The following HIVEP2 variants were observed in gnomAD, a reference collection of about 807,000 sequenced individuals.
The protein encoded by HIVEP2 is HIVEP zinc finger 2.
In HIVEP2, 14 loss-of-function variants were observed where a neutral mutation model predicts 180.7. The observed-to-expected ratio is 0.08, with a 90% CI of 0.05 to 0.12. The LOEUF is 0.12. HIVEP2 is among the 10% of genes least tolerant of loss of function. The pLI is 1.00. For missense variants in HIVEP2, 2,579 were observed against 3,008.5 expected (o/e 0.86, Z 3.34); for synonymous variants, 1,184 against 1,136.4 (o/e 1.04, Z -0.84).
chr6:142,752,838 A>G lies in HIVEP2; in HGVS notation c.*269T>C. 1 of 346,610 alleles carries G rather than the reference A, an allele frequency of 2.9e-6. No individual in the cohort carries two copies. Among genetic ancestry groups the G allele is most frequent in the Non-Finnish European group, 5.2e-6 (1 of 190,852 alleles). The allele number at this position is 346,610 out of a possible 1,614,324, so 21.5% of individuals were successfully genotyped here. On this transcript the variant is annotated 3_prime_UTR_variant, in exon 10 of 10. Transcript: ENST00000367603. ...CAAATTACTGCTAAAAAATGCTTAT[A>G]AGAATATAAGCAAAGTAAAGAAAAG... is the stretch of plus-strand genomic sequence containing the variant.
rs760177241 is a variant in HIVEP2 at position 142,773,096 on chromosome 6, G to A, written c.1643C>T (p.Thr548Ile). 9.3e-6 allele frequency: 15 copies of A among 1,614,246 alleles called. No homozygotes were observed. Among genetic ancestry groups the A allele is most frequent in the Middle Eastern group, 1.6e-4 (1 of 6,062 alleles). Residue 548 changes from threonine (T) to isoleucine (I), a missense_variant, in exon 5 of 10, where the codon ACT (threonine) becomes ATT (isoleucine). Thr to Ile is a moderately conservative substitution (Grantham distance 89). Around this residue, in one of 11 missense-constraint regions of HIVEP2, gnomAD observed 524 missense variants for 563.6 expected, o/e 0.93. Transcript: ENST00000367603. ...SPLIRSNSVP[T>I]SSATNLTIPP... ...AATAGTTAGATTAGTTGCTGAAGAA[G>A]TTGGCACTGAGTTGCTTCTAATAAG...
At chr6:142,768,758 A>G (rs1001336173) in intron 5 of HIVEP2, among the ~76,000 whole-genome samples, 2 of 149,416 alleles carry the variant, frequency 1.3e-5, no homozygotes, top group Non-Finnish European at 2.9e-5. Flanking sequence ...TAATAAGTAC[A>G]TATATTATAT....
Position 142,772,666 on chromosome 6 carries a change from G to A in HIVEP2, c.2073C>T (p.Thr691=). ...LQGVPSMFGT[T]CENRKRRKEK... Reference sequence around the variant, plus strand: ...CTTTCCGGCGTTTCCTGTTTTCACAGGTAGTTCCAAACATGCTTGGTACTC... The same window carrying A: ...CTTTCCGGCGTTTCCTGTTTTCACAAGTAGTTCCAAACATGCTTGGTACTC... Residue 691 remains threonine (T), a synonymous_variant, in exon 5 of 10, where the codon ACC becomes ACT. Transcript: ENST00000367603. This position sits in a 1 kb window ranked among gnomAD's most constrained non-coding sequence, Gnocchi z 4.9. 6.2e-7 allele frequency: 1 copy of A among 1,614,190 alleles called. No individual in the cohort carries two copies. Among genetic ancestry groups the A allele is most frequent in the East Asian group, 2.2e-5 (1 of 44,884 alleles).
chr6:142,828,104 G>C (rs1359906738), intron 2 of HIVEP2, among the ~76,000 whole-genome samples: 1 of 152,084 alleles, frequency 6.6e-6, no homozygotes, highest in Non-Finnish European at 1.5e-5. Context: ...ATGACTTTGC[G>C]GCATGATACG....
At chr6:142,783,351 A>AAG (rs71024834) in intron 3 of HIVEP2, among the ~76,000 whole-genome samples, 170 bp downstream of exon 3, 1 of 147,270 alleles carries the variant, frequency 6.8e-6, no homozygotes, top group East Asian at 2.0e-4. Flanking sequence ...AAAAAAAAAA[A>AAG]GACTAGTCTA....
Position 142,771,460 on chromosome 6 carries a change from G to C in HIVEP2, c.3279C>G (p.Ser1093=). The C allele has an allele frequency of 6.2e-7, 1 of 1,613,516 alleles. No individual in the cohort carries two copies. The highest frequency in any genetic ancestry group is 1.3e-5 in the African/African-American group (1 of 75,038). ...QASFSGSPEI[S]QGEVGMDQSV... ...TCTGATCCATGCCAACCTCGCCCTG[G>C]GAGATTTCTGGGGAGCCACTGAAGG... Residue 1093 remains serine (S), a synonymous_variant, in exon 5 of 10, where the codon TCC becomes TCG. Transcript: ENST00000367603. This position sits in a 1 kb window ranked among gnomAD's most constrained non-coding sequence, Gnocchi z 5.4.
chr6:142,868,908 CT>C (rs1451036433), intron 1 of HIVEP2, among the ~76,000 whole-genome samples: 1 of 151,990 alleles, frequency 6.6e-6, no homozygotes, highest in Non-Finnish European at 1.5e-5. Flanking sequence ...GCATTTTCTC[CT>C]TTTTAGTGTA....
At chr6:142,852,603 AC>A (rs1187089667) in intron 1 of HIVEP2, among the ~76,000 whole-genome samples, 1 of 152,176 alleles carries the variant, frequency 6.6e-6, no homozygotes, top group Non-Finnish European at 1.5e-5. Flanking sequence ...TAAATCCACC[AC>A]AGATATACTT....
Position 142,770,261 on chromosome 6 carries a change from G to T in HIVEP2, c.4478C>A (p.Pro1493His), listed in dbSNP as rs772140331. Residue 1493 changes from proline (P) to histidine (H), a missense_variant, in exon 5 of 10, where the codon CCC becomes CAC. By Grantham distance (77) the Pro-to-His change is moderately conservative. Transcript: ENST00000367603. This position sits in a 1 kb window ranked among gnomAD's most constrained non-coding sequence, Gnocchi z 4.7. ...IKKDLSRPQKPQLVRQGCASE... is the reference protein window; with the variant it reads ...IKKDLSRPQKHQLVRQGCASE... ...AGCACATCCTTGTCGAACCAGCTGG[G>T]GTTTCTGGGGGCGGGAGAGGTCCTT... 2 of 1,614,204 alleles carry T rather than the reference G, an allele frequency of 1.2e-6. No individual in the cohort carries two copies. Among genetic ancestry groups the T allele is most frequent in the East Asian group, 4.5e-5 (2 of 44,866 alleles).
At chr6:142,804,506 C>T (rs1041231907) in intron 2 of HIVEP2, among the ~76,000 whole-genome samples, 6 of 151,970 alleles carry the variant, frequency 3.9e-5, no homozygotes, top group African/African-American at 1.5e-4. Context: ...CAAAAGCCAA[C>T]TGAAGACTTA....
At chr6:142,775,196 T>A in intron 4 of HIVEP2, 71 bp from the exon 5 acceptor site, 4 of 305,678 alleles carry the variant, frequency 1.3e-5, no homozygotes, top group Non-Finnish European at 1.4e-5. Flanking sequence ...AAAAAAAACC[T>A]AACTAACCAA....
intron 1 of HIVEP2, among the ~76,000 whole-genome samples, chr6:142,918,524 G>C (rs1377272835): frequency 6.6e-6 from 1 of 152,188 alleles, no homozygotes; most frequent in African/African-American, 2.4e-5. Context: ...CCCTGGCTTT[G>C]CGACGCTGCA....
intron 2 of HIVEP2, among the ~76,000 whole-genome samples, chr6:142,820,208 C>T (rs1431069029): frequency 6.6e-6 from 1 of 152,014 alleles, no homozygotes; most frequent in East Asian, 1.9e-4. Context: ...TTAATTTTTC[C>T]ACAACAATTT....
At chr6:142,858,408 T>C (rs750178881) in intron 1 of HIVEP2, among the ~76,000 whole-genome samples, 4 of 151,978 alleles carry the variant, frequency 2.6e-5, no homozygotes, top group South Asian at 2.1e-4. Context: ...CCACACTGAA[T>C]AGAAGCTCTC....
rs748318836 is a variant in HIVEP2, at chr6:142,772,178, C to T, written c.2561G>A (p.Gly854Glu). 4 of 1,614,178 alleles carry T rather than the reference C, an allele frequency of 2.5e-6. No individual in the cohort carries two copies. In the South Asian group the frequency reaches 4.4e-5, roughly 18 times the overall value. ...TTTCCCCCCACTTTCTGCACCATCC[C>T]CAGGTGGAGCCCACTCAGGACTCAC... is the stretch of plus-strand genomic sequence containing the variant. Reference protein sequence around the residue: ...APVSPEWAPPGDGAESGGKPS... With the variant: ...APVSPEWAPPEDGAESGGKPS... Residue 854 changes from glycine (G) to glutamate (E), a missense_variant, in exon 5 of 10, where the codon GGG becomes GAG. By Grantham distance (98) the Gly-to-Glu change is moderately conservative (BLOSUM62 -2). Coordinates refer to ENST00000367603, the MANE Select transcript of HIVEP2 (RefSeq NM_006734.4). The surrounding 1 kb of genome is among the most constrained non-coding windows in gnomAD (Gnocchi z 4.9).
chr6:142,835,176 T>C (rs1027944887), intron 2 of HIVEP2, among the ~76,000 whole-genome samples: 1 of 152,156 alleles, frequency 6.6e-6, no homozygotes, highest in African/African-American at 2.4e-5. Context: ...TTAATCCTCA[T>C]AGAGCCTTAT....
chr6:142,780,669 A>G (rs1285179919), intron 3 of HIVEP2, among the ~76,000 whole-genome samples: 5 of 152,204 alleles, frequency 3.3e-5, no homozygotes, highest in Admixed American at 1.3e-4. Context: ...AGATTCTGCA[A>G]TGGAAATTGT....
chr6:142,767,925 A>G (rs1424950513), intron 6 of HIVEP2, among the ~76,000 whole-genome samples: 3 of 152,378 alleles, frequency 2.0e-5, no homozygotes, highest in Admixed American at 2.0e-4. Flanking sequence ...GTGAAATCCC[A>G]TTAAAGCCTC....
chr6:142,791,265 T>A (rs1009513635), intron 2 of HIVEP2, among the ~76,000 whole-genome samples: 4 of 152,082 alleles, frequency 2.6e-5, no homozygotes, highest in Admixed American at 6.5e-5. Flanking sequence ...AACCTGAACA[T>A]CAGTTGTTCT....
Sources: allele counts gnomAD v4.1 joint callset (sites outside exome capture counted in the v4.1 genomes callset), GRCh38; gene constraint gnomAD v4.1.1; regional missense constraint gnomAD v4.1.1; non-coding constraint Gnocchi (gnomAD v3.1); transcripts MANE v1.5; gene names NCBI Gene and HGNC (gene_info 2026-07-23, HGNC 2026-07-21).